LYSMD4: variants seen among roughly 807,000 people sequenced by gnomAD.
The protein encoded by LYSMD4 is LysM domain containing 4, also known as lysM and putative peptidoglycan-binding domain-containing protein 4.
LYSMD4 carries 9 observed loss-of-function variants against 6.1 expected under a neutral mutation model. The observed-to-expected ratio is 1.47, with a 90% CI of 0.88 to 2.56. LYSMD4 has a LOEUF of 2.56. Ranked by LOEUF, LYSMD4 falls within the 30% of genes most tolerant of loss-of-function variation. The pLI, the probability that LYSMD4 is intolerant of heterozygous loss-of-function variation, is 0.00. For synonymous variants in LYSMD4, 143 were observed against 148.5 expected (o/e 0.96, Z 0.27); for missense variants, 384 against 373.5 (o/e 1.03, Z -0.23).
downstream of LYSMD4, among the ~76,000 whole-genome samples, chr15:99,723,730 A>T (rs539132219): frequency 1.6e-4 from 24 of 152,360 alleles, no homozygotes; most frequent in South Asian, 2.7e-3. Flanking sequence ...CCATGCTGTC[A>T]TGCATCGCCT....
chr15:99,718,633 T>C (rs1402346171), upstream of LYSMD4, among the ~76,000 whole-genome samples: 2 of 152,220 alleles, frequency 1.3e-5, no homozygotes, highest in Non-Finnish European at 2.9e-5. Flanking sequence ...CTCCTCCACT[T>C]GTTCCAGCTT....
At chr15:99,717,370 C>T (rs931269060) in exon 1 of LYSMD4, 3 of 152,242 alleles carry the variant, frequency 2.0e-5, no homozygotes, top group Non-Finnish European at 4.4e-5. Context: ...GATTTTCAGT[C>T]GGAGCCCTGT....
Position 99,731,795 on chromosome 15 carries a change from C to T in LYSMD4, c.205G>A (p.Gly69Ser), listed in dbSNP as rs1370186288. ...GVHQPPQAGAGDVVLLQRELA... is the reference protein window; with the variant it reads ...GVHQPPQAGASDVVLLQRELA... The stretch of plus-strand genomic sequence containing the variant: ...TCCCGCTGCAGCAGCACCACGTCAC[C>T]TGCTCCCGCCTGGGGAGGCTGGTGG... The change falls in exon 2 of 3, where the codon GGT becomes AGT. Residue 69 changes from glycine to serine, a missense_variant. Transcript: ENST00000684762. 6.2e-7 allele frequency: 1 copy of T among 1,612,046 alleles called. No homozygotes were observed. The highest frequency in any genetic ancestry group is 8.5e-7 in the Non-Finnish European group (1 of 1,179,886).
At chr15:99,718,914 C>T (rs1346379985), upstream of LYSMD4, among the ~76,000 whole-genome samples, 1 of 18,028 alleles carries the variant, frequency 5.5e-5, no homozygotes, top group Non-Finnish European at 1.8e-4. Flanking sequence ...TATGCGCACA[C>T]ACACACACAC....
chr15:99,732,038 A>G (rs2059431790), intron 1 of LYSMD4, 31 bp from the exon 2 acceptor site: 1 of 1,522,872 alleles, frequency 6.6e-7, no homozygotes, highest in Non-Finnish European at 8.9e-7. Context: ...TTAATTCCAC[A>G]GAAGACATAA....
At chr15:99,726,662 G>A (rs909848159), downstream of LYSMD4, among the ~76,000 whole-genome samples, 1 of 152,070 alleles carries the variant, frequency 6.6e-6, no homozygotes, top group Non-Finnish European at 1.5e-5. Flanking sequence ...TGTCTCTCCA[G>A]AGTAAAATTA....
At chr15:99,727,172 C>T (rs757790407), downstream of LYSMD4, among the ~76,000 whole-genome samples, 24 of 152,144 alleles carry the variant, frequency 1.6e-4, no homozygotes, top group Non-Finnish European at 2.2e-4. Flanking sequence ...GTCAGGAGTT[C>T]GAAATCAGCC....
Position 99,728,864 on chromosome 15 carries a change from C to T in LYSMD4, c.*259G>A. ...GTGCTGCTATGAACTGGCCAGTCCA[C>T]TAAATGTCACAGGGAAATGGCTCTC... On this transcript the variant is annotated 3_prime_UTR_variant, in exon 3 of 3. Transcript: ENST00000684762. 1.9e-6 allele frequency: 1 copy of T among 522,012 alleles called. No individual in the cohort carries two copies. 32.3% of individuals were successfully genotyped at this position (522,012 alleles called of 1,614,324 possible).
intron 2 of LYSMD4, 93 bp downstream of exon 2, chr15:99,731,625 G>A (rs2059414928): frequency 6.6e-7 from 1 of 1,521,042 alleles, no homozygotes; most frequent in Non-Finnish European, 8.8e-7. Context: ...CGGCCTGGCA[G>A]GGTTAAGAAG....
At chr15:99,722,004 G>T (rs62042308), upstream of LYSMD4, among the ~76,000 whole-genome samples, 1,644 of 152,240 alleles carry the variant, frequency 0.011, 12 homozygotes, top group Non-Finnish European at 0.017. Flanking sequence ...ACAGTACTGG[G>T]GAGGGGGAAG....
At position 99,729,699 on chromosome 15, in the gene LYSMD4, G is replaced by A; in HGVS notation, c.315C>T (p.Ile105=). 1 of 1,611,728 alleles carries A rather than the reference G, an allele frequency of 6.2e-7. No individual in the cohort carries two copies. Among genetic ancestry groups the A allele is most frequent in the Non-Finnish European group, 8.5e-7 (1 of 1,179,280 alleles). ...TCAAAGCATATAAGTCTTGTTCTCTGATGAAGTTGTTGACTTTCTTGATAT... is the reference window on the plus strand; with the variant it reads ...TCAAAGCATATAAGTCTTGTTCTCTAATGAAGTTGTTGACTTTCTTGATAT... ...VADIKKVNNF[I]REQDLYALKS... is the part of the protein sequence containing the mutation. Residue 105 remains isoleucine (I), a synonymous_variant, in exon 3 of 3, where the codon ATC becomes ATT. Coordinates refer to ENST00000684762, the MANE Select transcript of LYSMD4 (RefSeq NM_001284417.2).
At position 99,731,236 on chromosome 15, in the gene LYSMD4, T is replaced by C. The variant is rs758546006; in HGVS notation, c.282+482A>G. 58 of 1,608,744 alleles carry C rather than the reference T, an allele frequency of 3.6e-5. No individual in the cohort carries two copies. In the East Asian group the frequency reaches 9.8e-4, roughly 27 times the overall value. Reference sequence around the variant, plus strand: ...TTAGAGAAAAACAGGGTTATATAGATACACAGCATACAAAAGACCATGCAG... The same window carrying C: ...TTAGAGAAAAACAGGGTTATATAGACACACAGCATACAAAAGACCATGCAG... On this transcript the variant is annotated intron_variant, in intron 2 of 2. Coordinates refer to ENST00000684762, the MANE Select transcript of LYSMD4 (RefSeq NM_001284417.2).
At position 99,729,695 on chromosome 15, in the gene LYSMD4, C is replaced by T. The variant is rs777188186; in HGVS notation, c.319G>A (p.Glu107Lys). 1 of 1,612,704 alleles carries T rather than the reference C, an allele frequency of 6.2e-7. No homozygotes were observed. The highest frequency in any genetic ancestry group is 8.5e-7 in the Non-Finnish European group (1 of 1,179,760). The change falls in exon 3 of 3, where the codon GAA becomes AAA. Residue 107 changes from glutamate to lysine, a missense_variant. Physicochemically the swap from Glu to Lys is moderately conservative, Grantham distance 56 (BLOSUM62 1). Coordinates refer to ENST00000684762, the MANE Select transcript of LYSMD4 (RefSeq NM_001284417.2). ...DIKKVNNFIREQDLYALKSVK... is the reference protein window; with the variant it reads ...DIKKVNNFIRKQDLYALKSVK... Reference sequence around the variant, plus strand: ...GATTTCAAAGCATATAAGTCTTGTTCTCTGATGAAGTTGTTGACTTTCTTG... The same window carrying T: ...GATTTCAAAGCATATAAGTCTTGTTTTCTGATGAAGTTGTTGACTTTCTTG...
chr15:99,726,447 A>G (rs1312070611), downstream of LYSMD4, among the ~76,000 whole-genome samples: 1 of 151,938 alleles, frequency 6.6e-6, no homozygotes, highest in Non-Finnish European at 1.5e-5. Flanking sequence ...CCTGGCCCCA[A>G]GTGGCTTTTA....
rs1169567290 is a variant in LYSMD4 at position 99,728,885 on chromosome 15, C to A, written c.*238G>T. 1.8e-6 allele frequency: 1 copy of A among 563,834 alleles called. No homozygotes were observed. 34.9% of individuals were successfully genotyped at this position (563,834 alleles called of 1,614,324 possible). A position where few individuals can be genotyped will look rare whatever the true frequency, so the allele number is the denominator to read the frequency against. Reference sequence around the variant, plus strand: ...TCCACTAAATGTCACAGGGAAATGGCTCTCTTGCTGCACCTCTCTGGATAG... The same window carrying A: ...TCCACTAAATGTCACAGGGAAATGGATCTCTTGCTGCACCTCTCTGGATAG... On this transcript the variant is annotated 3_prime_UTR_variant, in exon 3 of 3. Transcript: ENST00000684762.
chr15:99,716,897 A>G (rs1179928129), exon 1 of LYSMD4: 2 of 345,450 alleles, frequency 5.8e-6, no homozygotes, highest in Non-Finnish European at 1.2e-5. Context: ...TTTAAAGTCT[A>G]GGGTGTGAAA....
upstream of LYSMD4, among the ~76,000 whole-genome samples, chr15:99,722,173 A>G (rs1475163811): frequency 6.6e-6 from 1 of 152,216 alleles, no homozygotes; most frequent in African/African-American, 2.4e-5. Flanking sequence ...CACCAGATAG[A>G]TTATGAGGTG....
At chr15:99,718,955 C>T (rs543942989), upstream of LYSMD4, among the ~76,000 whole-genome samples, 78 of 152,068 alleles carry the variant, frequency 5.1e-4, no homozygotes, top group Non-Finnish European at 1.0e-3. Flanking sequence ...ATCCATATTC[C>T]TAATTACCTA....
chr15:99,715,869 A>G (rs2059103045), exon 1 of LYSMD4: 1 of 152,284 alleles, frequency 6.6e-6, no homozygotes, highest in South Asian at 2.1e-4. Context: ...TCAAAACTCC[A>G]TCTTTTGAGC....
Sources: gnomAD v4.1 joint callset for allele counts (sites outside exome capture counted in the v4.1 genomes callset) on GRCh38, gnomAD v4.1.1 for gene constraint, MANE v1.5 for transcripts, NCBI Gene and HGNC (gene_info 2026-07-23, HGNC 2026-07-21) for gene names.